The following DNPH1 variants were observed in gnomAD, a reference collection of about 807,000 sequenced individuals.
DNPH1 encodes 5-hydroxymethyl-dUMP N-hydrolase.
Under a neutral mutation model 15.7 loss-of-function variants are expected in DNPH1, and 18 were observed. The ratio of observed to expected loss-of-function variants is 1.15; its 90% CI spans 0.79 to 1.70. The LOEUF is 1.70. Ranked by LOEUF, DNPH1 falls within the 40% of genes most tolerant of loss-of-function variation. The pLI, the probability that DNPH1 is intolerant of heterozygous loss-of-function variation, is 0.00. For missense variants in DNPH1, 262 were observed against 255.2 expected, an observed-to-expected ratio of 1.03 and a Z score of -0.18; for synonymous variants, 114 against 107.9, an observed-to-expected ratio of 1.06 and a Z score of -0.35.
In DNPH1 at chr6:43,226,292, G is replaced by A; in HGVS notation, c.265+35C>T. The A allele has an allele frequency of 6.2e-7, 1 of 1,608,736 alleles. No individual in the cohort carries two copies. Among genetic ancestry groups the A allele is most frequent in the Non-Finnish European group, 8.5e-7 (1 of 1,178,404 alleles). ...GTCCAGGGGAACCCAGCACTCCAGAGGAGTTAGGTGCTGGAAGGAGGGAGC... is the reference window on the plus strand; with the variant it reads ...GTCCAGGGGAACCCAGCACTCCAGAAGAGTTAGGTGCTGGAAGGAGGGAGC... On this transcript the variant is annotated intron_variant, in intron 2 of 3. Transcript: ENST00000230431. This position sits in a 1 kb window ranked among gnomAD's most constrained non-coding sequence, Gnocchi z 4.1.
In DNPH1 at chr6:43,226,532, C is replaced by T; in HGVS notation, c.197-137G>A. On this transcript the variant is annotated intron_variant, in intron 1 of 3. Transcript: ENST00000230431. The surrounding 1 kb of genome is among the most constrained non-coding windows in gnomAD (Gnocchi z 4.1). ...AGATGACCTGACCAAACATGACAAT[C>T]TCATCAAAGCAGCGAGGAAATGGAA... is the stretch of plus-strand genomic sequence containing the variant. The T allele has an allele frequency of 1.4e-6, 1 of 704,344 alleles. No homozygotes were observed. Among genetic ancestry groups the T allele is most frequent in the Non-Finnish European group, 2.3e-6 (1 of 434,318 alleles). The allele number at this position is 704,344 out of a possible 1,614,324, so 43.6% of individuals were successfully genotyped here.
At chr6:43,227,871 C>G (rs1776766088) in intron 1 of DNPH1, among the ~76,000 whole-genome samples, 1 of 152,118 alleles carries the variant, frequency 6.6e-6, no homozygotes, top group Non-Finnish European at 1.5e-5. Flanking sequence ...AGGCAGATCA[C>G]TTGGGCTCAG....
Position 43,226,364 on chromosome 6 carries a change from G to A in DNPH1, c.228C>T (p.Ile76=), listed in dbSNP as rs1303956860. ...GEEAAGGDRL[I]HEQDLEWLQQ... ...GCAGCCACTCCAGGTCCTGCTCATGGATGAGCCTGTCACCCCCAGCAGCCT... is the reference window on the plus strand; with the variant it reads ...GCAGCCACTCCAGGTCCTGCTCATGAATGAGCCTGTCACCCCCAGCAGCCT... The change falls in exon 2 of 4, where the codon ATC becomes ATT. Residue 76 remains isoleucine (I), a synonymous_variant. Coordinates refer to ENST00000230431, the MANE Select transcript of DNPH1 (RefSeq NM_006443.3). This position sits in a 1 kb window ranked among gnomAD's most constrained non-coding sequence, Gnocchi z 4.1. 4 of 1,612,936 alleles carry A rather than the reference G, an allele frequency of 2.5e-6. No individual in the cohort carries two copies. The highest frequency in any genetic ancestry group is 2.5e-6 in the Non-Finnish European group (3 of 1,179,968).
At position 43,229,305 on chromosome 6, in the gene DNPH1, GT is replaced by G. The variant is rs748975667; in HGVS notation, c.151del (p.Thr51GlnfsTer44). 2 of 1,481,368 alleles carry G rather than the reference GT, an allele frequency of 1.4e-6. No homozygotes were observed. Among genetic ancestry groups the G allele is most frequent in the South Asian group, 2.6e-5 (2 of 78,010 alleles). The allele number at this position is 1,481,368 out of a possible 1,614,324, so 91.8% of individuals were successfully genotyped here. On this transcript the variant is annotated frameshift_variant, in exon 1 of 4. Coordinates refer to ENST00000230431, the MANE Select transcript of DNPH1 (RefSeq NM_006443.3). LOFTEE classifies it high-confidence loss of function. The stretch of plus-strand genomic sequence containing the variant: ...GGCCGCCACGTGCTCGGTGAGCACT[GT>G]CCCGAATCGCCGCAGCCGAGACACG... ...RIVSRLRRFG[T>X]VLTEHVAAAE... is the part of the protein sequence containing the mutation.
At chr6:43,228,214 G>A (rs752780746) in intron 1 of DNPH1, among the ~76,000 whole-genome samples, 31 of 152,238 alleles carry the variant, frequency 2.0e-4, no homozygotes, top group South Asian at 8.3e-4. Flanking sequence ...CCAGCACTTC[G>A]GGAGGCCTGA....
chr6:43,226,175 T>C lies in DNPH1; in HGVS notation c.266-32A>G, dbSNP rs371896577. ...GGAAAGATGAGAGGAAGCCTCAGCA[T>C]TGGGGGCACTTGAGGTTCATAAGGA... On this transcript the variant is annotated intron_variant, in intron 2 of 3. Coordinates refer to ENST00000230431, the MANE Select transcript of DNPH1 (RefSeq NM_006443.3). This position sits in a 1 kb window ranked among gnomAD's most constrained non-coding sequence, Gnocchi z 4.1. 78 of 1,611,190 alleles carry C rather than the reference T, an allele frequency of 4.8e-5. 1 individual carries two copies. Among genetic ancestry groups the C allele is most frequent in the South Asian group, 3.1e-4 (28 of 90,922 alleles).
At position 43,229,444 on chromosome 6, in the gene DNPH1, T is replaced by A. The variant is rs1026472444; in HGVS notation, c.13A>T (p.Met5Leu). 5.2e-6 allele frequency: 7 copies of A among 1,337,766 alleles called. No individual in the cohort carries two copies. Among genetic ancestry groups the A allele is most frequent in the East Asian group, 3.1e-5 (1 of 32,086 alleles). The allele number at this position is 1,337,766 out of a possible 1,614,324, so 82.9% of individuals were successfully genotyped here. A position where few individuals can be genotyped will look rare whatever the true frequency, so the allele number is the denominator to read the frequency against. Residue 5 changes from methionine to leucine, a missense_variant, in exon 1 of 4, where the codon ATG (methionine) becomes TTG (leucine). Coordinates refer to ENST00000230431, the MANE Select transcript of DNPH1 (RefSeq NM_006443.3). ...CAGCTCTCGCTGCGCCCCGGCACCA[T>A]GGCAGCAGCCATTCCCCAGCCGCCC... Reference protein sequence around the residue: MAAAMVPGRSESWER... With the variant: MAAALVPGRSESWER...
rs1239432337 is a variant in DNPH1, at chr6:43,229,200, C to T, written c.196+61G>A. On this transcript the variant is annotated intron_variant, in intron 1 of 3. Transcript: ENST00000230431. ...GGTCGGGGGGGCGGACAGGCCGGGT[C>T]CCTGCCACCCCAGCCAGGTCCGCGC... is the stretch of plus-strand genomic sequence containing the variant. 9 of 1,281,304 alleles carry T rather than the reference C, an allele frequency of 7.0e-6. No homozygotes were observed. In the East Asian group the frequency reaches 2.8e-4, roughly 40 times the overall value. 79.4% of individuals were successfully genotyped at this position (1,281,304 alleles called of 1,614,324 possible). A position where few individuals can be genotyped will look rare whatever the true frequency, so the allele number is the denominator to read the frequency against.
Position 43,226,878 on chromosome 6 carries a change from G to A in DNPH1, c.197-483C>T, listed in dbSNP as rs554243175. Among the ~76,000 whole-genome samples, 189 of 152,112 alleles carry A rather than the reference G, an allele frequency of 1.2e-3. 1 individual carries two copies. Among genetic ancestry groups the A allele is most frequent in the African/African-American group, 4.2e-3 (173 of 41,496 alleles). ...TCCCAGCACTTTGGGAGGCTGGGGC[G>A]GGTGGATCACTTGAGGTCAGGAGTT... On this transcript the variant is annotated intron_variant, in intron 1 of 3. Transcript: ENST00000230431. This position sits in a 1 kb window ranked among gnomAD's most constrained non-coding sequence, Gnocchi z 4.1.
chr6:43,226,359 T>A lies in DNPH1; in HGVS notation c.233A>T (p.Glu78Val), dbSNP rs1776740890. The change falls in exon 2 of 4, where the codon GAG (glutamate) becomes GTG (valine). Residue 78 changes from glutamate (E) to valine (V), a missense_variant. Coordinates refer to ENST00000230431, the MANE Select transcript of DNPH1 (RefSeq NM_006443.3). The surrounding 1 kb of genome is among the most constrained non-coding windows in gnomAD (Gnocchi z 4.1). ...CTGCTGCAGCCACTCCAGGTCCTGC[T>A]CATGGATGAGCCTGTCACCCCCAGC... ...EAAGGDRLIHEQDLEWLQQAD... is the reference protein window; with the variant it reads ...EAAGGDRLIHVQDLEWLQQAD... 5.0e-6 allele frequency: 8 copies of A among 1,612,952 alleles called. No homozygotes were observed. The highest frequency in any genetic ancestry group is 5.1e-6 in the Non-Finnish European group (6 of 1,179,964).
At chr6:43,229,220 C>G (rs2150670230) in intron 1 of DNPH1, 41 bp downstream of exon 1, 1 of 1,297,038 alleles carries the variant, frequency 7.7e-7, no homozygotes, top group African/African-American at 1.6e-5. Flanking sequence ...CCAGCCAGGT[C>G]CGCGCCCGCG....
chr6:43,226,085 G>A lies in DNPH1; in HGVS notation c.324C>T (p.Ala108=), dbSNP rs752601688. The A allele has an allele frequency of 3.7e-6, 6 of 1,613,658 alleles. No homozygotes were observed. Among genetic ancestry groups the A allele is most frequent in the East Asian group, 2.2e-5 (1 of 44,880 alleles). Residue 108 remains alanine, a synonymous_variant, in exon 3 of 4, where the codon GCC becomes GCT. Coordinates refer to ENST00000230431, the MANE Select transcript of DNPH1 (RefSeq NM_006443.3). This position sits in a 1 kb window ranked among gnomAD's most constrained non-coding sequence, Gnocchi z 4.1. ...ACAGGATCCGCTTGTTAAAGGCCACGGCCCGGCCCAGCTCATAGCCTACAC... is the reference window on the plus strand; with the variant it reads ...ACAGGATCCGCTTGTTAAAGGCCACAGCCCGGCCCAGCTCATAGCCTACAC... ...SLGVGYELGR[A]VAFNKRILCL... is the part of the protein sequence containing the mutation.
chr6:43,227,199 G>A (rs925406940), intron 1 of DNPH1, among the ~76,000 whole-genome samples: 2 of 151,838 alleles, frequency 1.3e-5, no homozygotes, highest in Non-Finnish European at 2.9e-5. Flanking sequence ...GTAGGATCAC[G>A]AGGTCAGGAG....
chr6:43,229,472 G>C lies in DNPH1; in HGVS notation c.-16C>G. ...CAGCAGCCATTCCCCAGCCGCCCGC[G>C]CTCTCCGGCGCCAGGGGGCGCCAGC... On this transcript the variant is annotated 5_prime_UTR_variant, in exon 1 of 4. Coordinates refer to ENST00000230431, the MANE Select transcript of DNPH1 (RefSeq NM_006443.3). 1.6e-6 allele frequency: 2 copies of C among 1,285,066 alleles called. No individual in the cohort carries two copies. Among genetic ancestry groups the C allele is most frequent in the Non-Finnish European group, 9.8e-7 (1 of 1,018,698 alleles). The allele number at this position is 1,285,066 out of a possible 1,614,324, so 79.6% of individuals were successfully genotyped here. A position where few individuals can be genotyped will look rare whatever the true frequency, so the allele number is the denominator to read the frequency against.
At chr6:43,229,200 C>A in intron 1 of DNPH1, 61 bp downstream of exon 1, 1 of 1,281,410 alleles carries the variant, frequency 7.8e-7, no homozygotes, top group South Asian at 2.1e-5. Flanking sequence ...CAGGCCGGGT[C>A]CCTGCCACCC....
chr6:43,228,667 A>G (rs1045335893), intron 1 of DNPH1, among the ~76,000 whole-genome samples: 4 of 152,026 alleles, frequency 2.6e-5, no homozygotes, highest in African/African-American at 9.7e-5. Flanking sequence ...CTCTACTAAA[A>G]ATACAAAAAG....
At position 43,226,028 on chromosome 6, in the gene DNPH1, C is replaced by A; in HGVS notation, c.376+5G>T. On this transcript the variant is annotated splice_donor_5th_base_variant and intron_variant, in intron 3 of 3. Transcript: ENST00000230431. This position sits in a 1 kb window ranked among gnomAD's most constrained non-coding sequence, Gnocchi z 4.1. ...AAAGCCAGGAGGGAGGCTTGGGGTG[C>A]TCACCGCGGCCAGACTGCGGGCGGA... The A allele has an allele frequency of 6.2e-7, 1 of 1,613,710 alleles. No homozygotes were observed. The highest frequency in any genetic ancestry group is 1.1e-5 in the South Asian group (1 of 91,074).
At position 43,226,546 on chromosome 6, in the gene DNPH1, G is replaced by A. The variant is rs755125209; in HGVS notation, c.197-151C>T. 2.0e-4 allele frequency: 130 copies of A among 661,818 alleles called. No individual in the cohort carries two copies. The highest frequency in any genetic ancestry group is 3.0e-4 in the Non-Finnish European group (120 of 398,562). The allele number at this position is 661,818 out of a possible 1,614,324, so 41.0% of individuals were successfully genotyped here. On this transcript the variant is annotated intron_variant, in intron 1 of 3. Coordinates refer to ENST00000230431, the MANE Select transcript of DNPH1 (RefSeq NM_006443.3). The surrounding 1 kb of genome is among the most constrained non-coding windows in gnomAD (Gnocchi z 4.1). ...AACATGACAATCTCATCAAAGCAGC[G>A]AGGAAATGGAATAGCCACAAAAAGA...
chr6:43,226,313 G>A lies in DNPH1; in HGVS notation c.265+14C>T. 1 of 1,611,318 alleles carries A rather than the reference G, an allele frequency of 6.2e-7. No individual in the cohort carries two copies. Among genetic ancestry groups the A allele is most frequent in the Non-Finnish European group, 8.5e-7 (1 of 1,179,518 alleles). ...CAGAGGAGTTAGGTGCTGGAAGGAG[G>A]GAGCGCCACTCACCGTCCGCCTGCT... On this transcript the variant is annotated intron_variant, in intron 2 of 3. Transcript: ENST00000230431. The surrounding 1 kb of genome is among the most constrained non-coding windows in gnomAD (Gnocchi z 4.1).
Sources: allele counts gnomAD v4.1 joint callset (sites outside exome capture counted in the v4.1 genomes callset), GRCh38; gene constraint gnomAD v4.1.1; non-coding constraint Gnocchi (gnomAD v3.1); transcripts MANE v1.5; gene names NCBI Gene and HGNC (gene_info 2026-07-23, HGNC 2026-07-21).